GRIP1: variants seen among roughly 807,000 people sequenced by gnomAD.
GRIP1 encodes the protein glutamate receptor-interacting protein 1.
Under a neutral mutation model 129.9 loss-of-function variants are expected in GRIP1, and 45 were observed. The observed-to-expected ratio is 0.35, with a 90% CI of 0.27 to 0.44. The LOEUF (loss-of-function observed/expected upper bound fraction) is 0.44. Among genes scored for constraint, GRIP1 ranks in the 20% least tolerant of loss-of-function variants. The pLI is 1.00. For missense variants in GRIP1, 1,196 were observed against 1,396.8 expected (o/e 0.86, Z 2.29); for synonymous variants, 530 against 520.8 (o/e 1.02, Z -0.24).
chr12:67,063,749 T>G (rs927737655), intron 1 of GRIP1, among the ~76,000 whole-genome samples: 14 of 152,196 alleles, frequency 9.2e-5, no homozygotes, highest in Non-Finnish European at 2.1e-4. Flanking sequence ...TCTCAAATTC[T>G]TTTACTAATA....
At chr12:66,736,768 A>G (rs1474650321) in intron 1 of GRIP1, among the ~76,000 whole-genome samples, 1 of 152,190 alleles carries the variant, frequency 6.6e-6, no homozygotes, top group Non-Finnish European at 1.5e-5. Flanking sequence ...AAATTTAAAA[A>G]GATATTTGGA....
intron 1 of GRIP1, among the ~76,000 whole-genome samples, chr12:66,745,192 G>A (rs1179426884): frequency 1.3e-5 from 2 of 152,118 alleles, no homozygotes; most frequent in Admixed American, 6.6e-5. Flanking sequence ...CAGTAAAAAG[G>A]ACTGCAGTTT....
At chr12:66,993,942 C>G (rs1434880673) in intron 1 of GRIP1, among the ~76,000 whole-genome samples, 1 of 152,052 alleles carries the variant, frequency 6.6e-6, no homozygotes, top group African/African-American at 2.4e-5. Context: ...AAGATACATA[C>G]TACCAAAACT....
At chr12:66,530,579 G>A (rs1592497698) in intron 4 of GRIP1, among the ~76,000 whole-genome samples, 2 of 152,182 alleles carry the variant, frequency 1.3e-5, no homozygotes, top group East Asian at 1.9e-4. Context: ...TTAACAAAAT[G>A]GAATTGTATT....
intron 1 of GRIP1, among the ~76,000 whole-genome samples, chr12:66,864,769 C>T (rs1281152367): frequency 6.6e-6 from 1 of 152,060 alleles, no homozygotes; most frequent in Non-Finnish European, 1.5e-5. Context: ...TTATCAAACT[C>T]CCTGTTACTC....
chr12:66,878,529 C>T (rs150993279), intron 1 of GRIP1, among the ~76,000 whole-genome samples: 29 of 151,998 alleles, frequency 1.9e-4, no homozygotes, highest in East Asian at 9.7e-4. Flanking sequence ...ACTGCAGAGG[C>T]AGGGGACAGG....
At position 66,622,982 on chromosome 12, in the gene GRIP1, A is replaced by G. The variant is rs544560461; in HGVS notation, c.56-26055T>C. ...TGTTTACTTAGCTGTCTCCCCCTCT[A>G]TATTATGAATTCCATGAGGACATTG... is the stretch of plus-strand genomic sequence containing the variant. On this transcript the variant is annotated intron_variant, in intron 1 of 24. Coordinates refer to ENST00000359742, the MANE Select transcript of GRIP1 (RefSeq NM_001366722.1). 9.9e-5 allele frequency among the ~76,000 whole-genome samples: 15 copies of G among 152,232 alleles called. No homozygotes were observed. The East Asian group carries it at 2.9e-3, about 29-fold the overall frequency.
At chr12:66,952,067 T>C (rs1295289568) in intron 1 of GRIP1, among the ~76,000 whole-genome samples, 1 of 150,652 alleles carries the variant, frequency 6.6e-6, no homozygotes, top group Non-Finnish European at 1.5e-5. Flanking sequence ...TTAGAAAGAG[T>C]GTAAAGTGAG....
At chr12:67,007,803 T>C (rs71452334) in intron 1 of GRIP1, among the ~76,000 whole-genome samples, 3 of 152,196 alleles carry the variant, frequency 2.0e-5, no homozygotes, top group Non-Finnish European at 4.4e-5. Flanking sequence ...CTTTGATATC[T>C]ATACTATCAA....
chr12:66,800,455 A>C (rs574062070), intron 1 of GRIP1, among the ~76,000 whole-genome samples: 45 of 152,300 alleles, frequency 3.0e-4, no homozygotes, highest in African/African-American at 1.0e-3. Flanking sequence ...TTTCTCAAGT[A>C]ATTCAGCTGC....
At chr12:66,995,783 AAC>A (rs1280385076) in intron 1 of GRIP1, among the ~76,000 whole-genome samples, 2 of 152,174 alleles carry the variant, frequency 1.3e-5, no homozygotes, top group African/African-American at 4.8e-5. Flanking sequence ...CATGAGGTTA[AAC>A]ACAGCTACCA....
chr12:66,544,282 TGAGTA>T lies in GRIP1; in HGVS notation c.137-2337_137-2333del, dbSNP rs1013571416. Among the ~76,000 whole-genome samples the T allele has an allele frequency of 1.3e-3, 203 of 152,302 alleles. 1 individual carries two copies. Among genetic ancestry groups the T allele is most frequent in the African/African-American group, 4.5e-3 (188 of 41,566 alleles). ...AGAAAATATTCCTGCACCAGTTAAT[TGAGTA>T]ATTTGTGCATTCATTGATTCAAGCA... On this transcript the variant is annotated intron_variant, in intron 2 of 24. Transcript: ENST00000359742.
At chr12:66,616,357 T>G (rs1489173383) in intron 1 of GRIP1, among the ~76,000 whole-genome samples, 2 of 152,150 alleles carry the variant, frequency 1.3e-5, no homozygotes, top group Non-Finnish European at 2.9e-5. Context: ...AAAACAGTAT[T>G]TTATAATTAT....
chr12:66,768,315 C>T (rs909660352), intron 1 of GRIP1, among the ~76,000 whole-genome samples: 30 of 152,184 alleles, frequency 2.0e-4, no homozygotes, highest in African/African-American at 7.0e-4. Flanking sequence ...CAACCACTTT[C>T]CCAAGTTATA....
chr12:67,018,745 T>C (rs1185025893), intron 1 of GRIP1, among the ~76,000 whole-genome samples: 1 of 152,190 alleles, frequency 6.6e-6, no homozygotes, highest in African/African-American at 2.4e-5. Flanking sequence ...GAACACTCCA[T>C]TTCTGTCTCA....
At chr12:66,379,241 A>G (rs2137378423) in intron 20 of GRIP1, 39 bp downstream of exon 20, 1 of 1,593,960 alleles carries the variant, frequency 6.3e-7, no homozygotes, top group Non-Finnish European at 8.6e-7. Context: ...ATGACCATGC[A>G]GTCATCTTGG....
chr12:66,486,156 T>C (rs775906767), intron 7 of GRIP1, among the ~76,000 whole-genome samples: 1 of 152,096 alleles, frequency 6.6e-6, no homozygotes, highest in Non-Finnish European at 1.5e-5. Flanking sequence ...GCTCAGTAAC[T>C]AAATAAGTGA....
At chr12:66,375,829 G>T (rs2055759518) in intron 22 of GRIP1, among the ~76,000 whole-genome samples, 1 of 152,060 alleles carries the variant, frequency 6.6e-6, no homozygotes, top group Non-Finnish European at 1.5e-5. Context: ...TAAGCTGTTA[G>T]AAAAACAACT....
At chr12:66,805,942 A>T (rs925678575), upstream of GRIP1, among the ~76,000 whole-genome samples, 1 of 151,642 alleles carries the variant, frequency 6.6e-6, no homozygotes, top group Non-Finnish European at 1.5e-5. Flanking sequence ...TCTTTAAATT[A>T]AAAAAATCAC....
Sources: gnomAD v4.1 joint callset for allele counts (sites outside exome capture counted in the v4.1 genomes callset) on GRCh38, gnomAD v4.1.1 for gene constraint, MANE v1.5 for transcripts, NCBI Gene and HGNC (gene_info 2026-07-23, HGNC 2026-07-21) for gene names.